CD72: variants seen among roughly 807,000 people sequenced by gnomAD.
CD72 encodes the protein B-cell differentiation antigen CD72.
CD72 carries 28 observed loss-of-function variants against 50.7 expected under a neutral mutation model. The ratio of observed to expected loss-of-function variants is 0.55; its 90% CI spans 0.41 to 0.76. CD72 has a LOEUF of 0.76. CD72 is among the 30% of genes least tolerant of loss of function. The probability of loss-of-function intolerance (pLI) is 0.00; values close to 1 mark genes in which losing one functional copy is unlikely to be tolerated. For missense variants in CD72, 403 were observed against 420.6 expected (o/e 0.96, Z 0.37); for synonymous variants, 176 against 171.2 (o/e 1.03, Z -0.22).
chr9:35,629,140 G>A (rs1483274203), intron 1 of CD72, among the ~76,000 whole-genome samples: 1 of 152,010 alleles, frequency 6.6e-6, no homozygotes, highest in Non-Finnish European at 1.5e-5. Context: ...GCCTCCCAAA[G>A]TACTGGAATT....
intron 2 of CD72, among the ~76,000 whole-genome samples, chr9:35,617,601 A>C: frequency 6.6e-6 from 1 of 150,812 alleles, no homozygotes; most frequent in Non-Finnish European, 1.5e-5. Context: ...TCCCATTAGA[A>C]CTCATCCCCC....
At chr9:35,631,758 T>TG (rs957072003) in intron 1 of CD72, among the ~76,000 whole-genome samples, 2 of 151,968 alleles carry the variant, frequency 1.3e-5, no homozygotes, top group African/African-American at 4.8e-5. Context: ...GGCGTGGTGG[T>TG]GGGCACCTGT....
At chr9:35,640,656 G>T (rs1297500477) in intron 1 of CD72, among the ~76,000 whole-genome samples, 4 of 152,260 alleles carry the variant, frequency 2.6e-5, no homozygotes, top group Non-Finnish European at 1.5e-5. Flanking sequence ...TCAGCAGCAG[G>T]ATGGGAGTCA....
chr9:35,644,791 A>G (rs1336012190), intron 1 of CD72, among the ~76,000 whole-genome samples: 2 of 152,030 alleles, frequency 1.3e-5, no homozygotes, highest in Non-Finnish European at 2.9e-5. Flanking sequence ...ATAAGTGAAG[A>G]CATCAGAGGT....
intron 1 of CD72, among the ~76,000 whole-genome samples, chr9:35,632,748 T>G (rs1053026118): frequency 6.6e-6 from 1 of 151,382 alleles, no homozygotes; most frequent in African/African-American, 2.4e-5. Context: ...TGCTAATTTT[T>G]GTATTTTTTA....
rs778933490 is a variant in CD72, at chr9:35,617,151, G to C, written c.262+25C>G. On this transcript the variant is annotated intron_variant, in intron 3 of 8. Coordinates refer to ENST00000259633, the MANE Select transcript of CD72 (RefSeq NM_001782.3). ...GACAGGCGCGAGCACTTGGCCCCGC[G>C]GCTGCCCCGCACAGGCACACTCACA... 4 of 1,553,188 alleles carry C rather than the reference G, an allele frequency of 2.6e-6. No individual in the cohort carries two copies. In the South Asian group the frequency reaches 4.7e-5, roughly 18 times the overall value.
chr9:35,618,395 G>A lies in CD72; in HGVS notation c.-92C>T. ...CTCTGTCCGTTTACAACTAGGCTCT[G>A]TGTTCCCTCTGTGACTGCACGGCTT... On this transcript the variant is annotated 5_prime_UTR_variant, in exon 1 of 9. Transcript: ENST00000259633. 2 of 1,583,032 alleles carry A rather than the reference G, an allele frequency of 1.3e-6. No individual in the cohort carries two copies. The highest frequency in any genetic ancestry group is 1.8e-5 in the Admixed American group (1 of 55,094).
intron 2 of CD72, 35 bp from the exon 3 acceptor site, chr9:35,617,282 C>T: frequency 1.3e-6 from 2 of 1,522,000 alleles, no homozygotes; most frequent in East Asian, 2.5e-5. Flanking sequence ...AGACCGGAAG[C>T]CCCGAGTGTT....
At chr9:35,641,069 C>T (rs1823335745) in intron 1 of CD72, among the ~76,000 whole-genome samples, 1 of 152,178 alleles carries the variant, frequency 6.6e-6, no homozygotes, top group Non-Finnish European at 1.5e-5. Flanking sequence ...TCTTGTCTCT[C>T]AGTGCCCCCT....
chr9:35,625,903 A>G (rs1297154125), intron 1 of CD72, among the ~76,000 whole-genome samples: 1 of 152,188 alleles, frequency 6.6e-6, no homozygotes, highest in Non-Finnish European at 1.5e-5. Context: ...TACTTCTCAG[A>G]AAGAAAATTC....
upstream of CD72, among the ~76,000 whole-genome samples, chr9:35,622,907 G>T (rs1397664210): frequency 6.6e-6 from 1 of 152,146 alleles, no homozygotes; most frequent in Non-Finnish European, 1.5e-5. Context: ...AGGAATTCGA[G>T]ACCAGACTGG....
Position 35,616,101 on chromosome 9 carries a change from G to GCC in CD72, c.528_529dup (p.Ala177GlyfsTer38). ...TAGCTGCCCTTCGGCCGCCTGATGAGCCCTCTGTTCCACCTGTAGTGCTTC... is the reference window on the plus strand; with the variant it reads ...TAGCTGCCCTTCGGCCGCCTGATGAGCCCCCTCTGTTCCACCTGTAGTGCTTC... On this transcript the variant is annotated frameshift_variant, in exon 5 of 9. Coordinates refer to ENST00000259633, the MANE Select transcript of CD72 (RefSeq NM_001782.3). LOFTEE classifies it high-confidence loss of function. The GCC allele has an allele frequency of 6.2e-7, 1 of 1,614,118 alleles. No individual in the cohort carries two copies. Among genetic ancestry groups the GCC allele is most frequent in the Non-Finnish European group, 8.5e-7 (1 of 1,180,026 alleles).
At chr9:35,611,313 G>A (rs1822980468) in intron 7 of CD72, among the ~76,000 whole-genome samples, 2 of 151,950 alleles carry the variant, frequency 1.3e-5, no homozygotes, top group African/African-American at 4.8e-5. Flanking sequence ...CCCTGTTTCA[G>A]GGTCCCTAGG....
chr9:35,621,003 G>A (rs1823143138), upstream of CD72, among the ~76,000 whole-genome samples: 1 of 152,156 alleles, frequency 6.6e-6, no homozygotes, highest in African/African-American at 2.4e-5. Flanking sequence ...CTTCCTTTGT[G>A]AACAGGGTAA....
intron 6 of CD72, 73 bp downstream of exon 6, chr9:35,612,775 A>G: frequency 1.4e-6 from 2 of 1,429,850 alleles, no homozygotes; most frequent in Non-Finnish European, 2.0e-6. Context: ...GTGCACTGCC[A>G]TTCCTGACTT....
intron 3 of CD72, 188 bp downstream of exon 3, chr9:35,616,987 AG>A: frequency 6.9e-7 from 1 of 1,442,910 alleles, no homozygotes; most frequent in Non-Finnish European, 9.1e-7. Flanking sequence ...GACCATCCGC[AG>A]GGGGGCGGTG....
chr9:35,641,896 A>C (rs1370382115), intron 1 of CD72, among the ~76,000 whole-genome samples: 1 of 152,176 alleles, frequency 6.6e-6, no homozygotes, highest in African/African-American at 2.4e-5. Context: ...GGAAGTTAGG[A>C]ATTCCCTTTC....
chr9:35,640,523 C>T (rs556931515), intron 1 of CD72, among the ~76,000 whole-genome samples: 2 of 152,342 alleles, frequency 1.3e-5, no homozygotes, highest in South Asian at 2.1e-4. Context: ...TCGATTAGGA[C>T]GAACCCAGGC....
At chr9:35,625,423 GC>G (rs1191568995) in intron 1 of CD72, among the ~76,000 whole-genome samples, 4 of 152,194 alleles carry the variant, frequency 2.6e-5, no homozygotes, top group Non-Finnish European at 5.9e-5. Flanking sequence ...AAAATCTGAA[GC>G]CAGCAGAGGT....
Sources: allele counts gnomAD v4.1 joint callset (sites outside exome capture counted in the v4.1 genomes callset), GRCh38; gene constraint gnomAD v4.1.1; transcripts MANE v1.5; gene names NCBI Gene and HGNC (gene_info 2026-07-23, HGNC 2026-07-21).